The following TKTL1 variants were observed in gnomAD, a reference collection of about 807,000 sequenced individuals.
The protein encoded by TKTL1 is transketolase-like protein 1.
In TKTL1, 1 loss-of-function variant was observed where a neutral mutation model predicts 39.3. The observed-to-expected ratio is 0.03, with a 90% CI of 0.01 to 0.12. The LOEUF is 0.12. Ranked by LOEUF, TKTL1 falls within the 10% of genes least tolerant of loss-of-function variation. The pLI, the probability that TKTL1 is intolerant of heterozygous loss-of-function variation, is 1.00. For missense variants in TKTL1, 575 were observed against 509.6 expected (o/e 1.13, Z -1.24); for synonymous variants, 262 against 193.8 (o/e 1.35, Z -2.92).
intron 8 of TKTL1, among the ~76,000 whole-genome samples, chrX:154,321,816 A>T (rs1569551122): frequency 9.3e-6 from 1 of 107,916 alleles, no homozygotes; most frequent in African/African-American, 3.4e-5. Flanking sequence ...ATGGCTCTAG[A>T]TGGAGCTAGA....
At chrX:154,300,400 C>T (rs938891593) in intron 1 of TKTL1, among the ~76,000 whole-genome samples, 2 of 112,337 alleles carry the variant, frequency 1.8e-5, no homozygotes, top group East Asian at 2.8e-4. Flanking sequence ...TCTTCCTATC[C>T]ATGAGCATGA....
At chrX:154,320,594 CG>C (rs2067441179) in intron 7 of TKTL1, 162 bp from the exon 8 acceptor site, 1 of 531,700 alleles carries the variant, frequency 1.9e-6, no homozygotes, top group African/African-American at 2.3e-5. Context: ...GAGGGACGGA[CG>C]GGTGCCCAGG....
chrX:154,328,545 C>CAAAAAAAA lies in TKTL1; in HGVS notation c.1618+627_1618+634dup. Among the ~76,000 whole-genome samples the CAAAAAAAA allele has an allele frequency of 9.8e-4, 15 of 15,322 alleles. 4 individuals are homozygous for CAAAAAAAA. The highest frequency in any genetic ancestry group is 2.1e-3 in the Non-Finnish European group (13 of 6,323). The allele number at this position is 15,322 out of a possible 115,157, so 13.3% of individuals were successfully genotyped here. A position where few individuals can be genotyped will look rare whatever the true frequency, so the allele number is the denominator to read the frequency against. On this transcript the variant is annotated intron_variant, in intron 12 of 12. Transcript: ENST00000369915. ...TGGGAAACAGAGTGAGACTCTGCCTCAAAAAAAAAAAAAAAAAAAAAAAAA... is the reference window on the plus strand; with the variant it reads ...TGGGAAACAGAGTGAGACTCTGCCTCAAAAAAAAAAAAAAAAAAAAAAAAAAAAAAAAA...
rs2067502695 is a variant in TKTL1 at position 154,327,593 on chromosome X, C to T, written c.1404C>T (p.Val468=). 1.7e-6 allele frequency: 2 copies of T among 1,208,098 alleles called. No individual in the cohort carries two copies. The highest frequency in any genetic ancestry group is 2.2e-6 in the Non-Finnish European group (2 of 892,433). ...CTGTTTTGCTGGCACTATACCAGGT[C>T]CTCCGCCACTGTGTCAGTGACAAGG... The part of the protein sequence containing the change: ...QERFEIGQAK[V]LRHCVSDKVT... Residue 468 remains valine, a splice_region_variant and synonymous_variant, in exon 11 of 13, where the codon GTC becomes GTT. Coordinates refer to ENST00000369915, the MANE Select transcript of TKTL1 (RefSeq NM_012253.4).
intron 7 of TKTL1, among the ~76,000 whole-genome samples, chrX:154,316,659 T>C (rs1313058262): frequency 1.8e-5 from 2 of 111,626 alleles, no homozygotes; most frequent in Non-Finnish European, 3.8e-5. Context: ...TGACGCCAGT[T>C]GACTGAAGCC....
chrX:154,306,145 T>TA (rs34305192), intron 2 of TKTL1, among the ~76,000 whole-genome samples: 11,993 of 100,993 alleles, frequency 0.12, 1,858 homozygotes, highest in African/African-American at 0.4. Flanking sequence ...CGTCTCCACT[T>TA]AAAAAAAAAA....
At chrX:154,311,463 C>G (rs2067357001) in intron 5 of TKTL1, among the ~76,000 whole-genome samples, 1 of 112,225 alleles carries the variant, frequency 8.9e-6, no homozygotes, top group African/African-American at 3.2e-5. Flanking sequence ...GATGTGCTGC[C>G]TGCACAAGGG....
intron 8 of TKTL1, among the ~76,000 whole-genome samples, chrX:154,322,554 TA>T (rs1206562829): frequency 9.0e-6 from 1 of 110,897 alleles, no homozygotes; most frequent in African/African-American, 3.3e-5. Context: ...TTAATTTTTT[TA>T]AAAAAAGAGC....
chrX:154,297,890 C>G (rs782317146), intron 1 of TKTL1, among the ~76,000 whole-genome samples: 1 of 111,655 alleles, frequency 9.0e-6, no homozygotes, highest in East Asian at 2.8e-4. Context: ...ACAGAGGAAG[C>G]GAGACCTTGT....
intron 1 of TKTL1, among the ~76,000 whole-genome samples, chrX:154,297,558 G>A (rs1325818737): frequency 1.8e-5 from 2 of 111,648 alleles, no homozygotes; most frequent in Non-Finnish European, 3.8e-5. Context: ...GCCTGGCCTG[G>A]TCTATAGTTT....
rs782749019 is a variant in TKTL1, at chrX:154,315,066, A to G, written c.865-107A>G. 2.7e-4 allele frequency: 243 copies of G among 901,016 alleles called. 1 individual carries two copies. In the Middle Eastern group the frequency reaches 6.8e-3, roughly 25 times the overall value. The allele number at this position is 901,016 out of a possible 1,213,427, so 74.3% of individuals were successfully genotyped here. On this transcript the variant is annotated intron_variant, in intron 6 of 12. Transcript: ENST00000369915. Reference sequence around the variant, plus strand: ...GTGAGTCACGAATTTACTTTCTTCAAGATAGATGATAATTTGTCATTCTAC... The same window carrying G: ...GTGAGTCACGAATTTACTTTCTTCAGGATAGATGATAATTTGTCATTCTAC...
intron 2 of TKTL1, among the ~76,000 whole-genome samples, chrX:154,308,184 C>T (rs1229532581): frequency 2.7e-5 from 3 of 111,783 alleles, no homozygotes; most frequent in Non-Finnish European, 5.7e-5. Context: ...GTAGGAGGCA[C>T]TGGTTGAAAA....
chrX:154,303,040 C>T (rs1242840917), intron 1 of TKTL1, among the ~76,000 whole-genome samples: 2 of 111,007 alleles, frequency 1.8e-5, no homozygotes, highest in Non-Finnish European at 3.8e-5. Flanking sequence ...GCAACTCACC[C>T]TGGCAGGCTT....
At chrX:154,324,929 C>T (rs2067481911) in intron 9 of TKTL1, among the ~76,000 whole-genome samples, 1 of 111,964 alleles carries the variant, frequency 8.9e-6, no homozygotes, top group African/African-American at 3.3e-5. Flanking sequence ...GGAAAGGGGC[C>T]AGTCGTCTTG....
chrX:154,328,059 C>T, intron 12 of TKTL1, 101 bp downstream of exon 12: 1 of 1,030,126 alleles, frequency 9.7e-7, no homozygotes, highest in Non-Finnish European at 1.3e-6. Context: ...GTCTACCTCT[C>T]ACCCAGCATG....
intron 2 of TKTL1, among the ~76,000 whole-genome samples, chrX:154,307,883 C>T (rs2067327441): frequency 8.9e-6 from 1 of 111,761 alleles, no homozygotes; most frequent in Non-Finnish European, 1.9e-5. Flanking sequence ...TTCTGCTGGG[C>T]TGGAAATGCA....
At chrX:154,306,968 A>G (rs1557167350) in intron 2 of TKTL1, among the ~76,000 whole-genome samples, 1 of 111,079 alleles carries the variant, frequency 9.0e-6, no homozygotes, top group East Asian at 2.8e-4. Flanking sequence ...AAATAGATAT[A>G]TAAACGCAAT....
At chrX:154,304,048 A>AC (rs1557166617) in intron 1 of TKTL1, among the ~76,000 whole-genome samples, 1 of 109,762 alleles carries the variant, frequency 9.1e-6, no homozygotes, top group East Asian at 2.9e-4. Context: ...GGAGTGTGTC[A>AC]CCCCCCTTTC....
At chrX:154,319,875 G>A (rs55987525) in intron 7 of TKTL1, among the ~76,000 whole-genome samples, 3,745 of 112,051 alleles carry the variant, frequency 0.033, 84 homozygotes, top group Non-Finnish European at 0.053. Flanking sequence ...GTGTGTATCC[G>A]CAGAGAGGTT....
Sources: allele counts gnomAD v4.1 joint callset (sites outside exome capture counted in the v4.1 genomes callset), GRCh38; gene constraint gnomAD v4.1.1; transcripts MANE v1.5; gene names NCBI Gene and HGNC (gene_info 2026-07-23, HGNC 2026-07-21).